The following PDZD2 variants were observed in gnomAD, a reference collection of about 807,000 sequenced individuals.
PDZD2 encodes the protein PDZ domain-containing protein 2.
A neutral mutation model predicts 220.7 loss-of-function variants in PDZD2; 90 were observed. That is an observed-to-expected ratio of 0.41 (90% CI 0.34 to 0.49). PDZD2 has a LOEUF of 0.49. Ranked by LOEUF, PDZD2 falls within the 20% of genes least tolerant of loss-of-function variation. The probability of loss-of-function intolerance (pLI) is 0.28; values close to 1 mark genes in which losing one functional copy is unlikely to be tolerated. For missense variants in PDZD2, 3,174 were observed against 3,608.5 expected (o/e 0.88, Z 3.08); for synonymous variants, 1,375 against 1,450.5 (o/e 0.95, Z 1.18).
intron 2 of PDZD2, among the ~76,000 whole-genome samples, chr5:31,900,502 T>G (rs1741989962): frequency 1.0e-5 from 1 of 95,478 alleles, no homozygotes; most frequent in South Asian, 3.1e-4. Context: ...TAGGTTTTCT[T>G]AAGAAGGGAA....
chr5:31,916,689 C>T (rs929807816), intron 2 of PDZD2, among the ~76,000 whole-genome samples: 4 of 151,944 alleles, frequency 2.6e-5, no homozygotes, highest in African/African-American at 9.7e-5. Context: ...GTTCCTGATT[C>T]TCTTTGGAGG....
intron 2 of PDZD2, among the ~76,000 whole-genome samples, chr5:31,850,174 G>A (rs1430948462): frequency 8.1e-6 from 1 of 122,944 alleles, no homozygotes; most frequent in African/African-American, 3.1e-5. Context: ...GTATATATAA[G>A]TATATATATA....
chr5:32,063,759 C>T (rs191203247), intron 14 of PDZD2, among the ~76,000 whole-genome samples: 1 of 152,294 alleles, frequency 6.6e-6, no homozygotes, highest in Non-Finnish European at 1.5e-5. Context: ...GGACCTTTAC[C>T]AGGACATTAC....
chr5:31,714,386 C>T (rs939266542), intron 1 of PDZD2, among the ~76,000 whole-genome samples: 1 of 152,118 alleles, frequency 6.6e-6, no homozygotes, highest in Non-Finnish European at 1.5e-5. Flanking sequence ...TTTGAATGAT[C>T]ATGTAGATGC....
At chr5:31,772,900 T>A (rs1329373682) in intron 1 of PDZD2, among the ~76,000 whole-genome samples, 3 of 152,200 alleles carry the variant, frequency 2.0e-5, no homozygotes, top group Non-Finnish European at 4.4e-5. Flanking sequence ...GAAGCTGGAC[T>A]ATATGGTATA....
intron 1 of PDZD2, among the ~76,000 whole-genome samples, chr5:31,737,254 G>C (rs1261789412): frequency 7.3e-6 from 1 of 137,056 alleles, no homozygotes; most frequent in African/African-American, 2.8e-5. Flanking sequence ...CTCACTGCAA[G>C]CTCCGCCTCT....
At chr5:31,964,514 A>G (rs1356852887) in intron 2 of PDZD2, among the ~76,000 whole-genome samples, 1 of 152,134 alleles carries the variant, frequency 6.6e-6, no homozygotes, top group Admixed American at 6.5e-5. Context: ...TCCCACTACC[A>G]GCCCACAGAT....
chr5:31,681,912 G>A (rs1242807869), intron 1 of PDZD2, among the ~76,000 whole-genome samples: 1 of 152,212 alleles, frequency 6.6e-6, no homozygotes, highest in Non-Finnish European at 1.5e-5. Context: ...GAATGCTGGA[G>A]AGGAGTTTAC....
At chr5:32,054,904 T>G (rs1206236692) in intron 10 of PDZD2, among the ~76,000 whole-genome samples, 1 of 152,182 alleles carries the variant, frequency 6.6e-6, no homozygotes, top group Admixed American at 6.5e-5. Context: ...TCAGAAATGT[T>G]AAGTGACTAG....
At chr5:32,033,083 T>C (rs1023983057) in intron 6 of PDZD2, among the ~76,000 whole-genome samples, 1 of 152,258 alleles carries the variant, frequency 6.6e-6, no homozygotes, top group Non-Finnish European at 1.5e-5. Context: ...GGCATTGTTT[T>C]GTAACACATG....
chr5:31,796,573 G>T (rs1209522670), intron 1 of PDZD2, among the ~76,000 whole-genome samples: 1 of 152,146 alleles, frequency 6.6e-6, no homozygotes, highest in African/African-American at 2.4e-5. Context: ...AACCCTGATT[G>T]TCCCAGCGTG....
In PDZD2 at chr5:31,880,517, G is replaced by A. The variant is rs79316784; in HGVS notation, c.476+80793G>A. 6.8e-3 allele frequency among the ~76,000 whole-genome samples: 1,037 copies of A among 152,268 alleles called. 9 individuals are homozygous for A. Among genetic ancestry groups the A allele is most frequent in the African/African-American group, 0.024 (991 of 41,536 alleles). On this transcript the variant is annotated intron_variant, in intron 2 of 24. Coordinates refer to ENST00000438447, the MANE Select transcript of PDZD2 (RefSeq NM_178140.4). Reference sequence around the variant, plus strand: ...GTTTTCTCTTTCTTGCTTTTCCAGAGTTGGCTTTAGCTTTTATCCTCATTT... The same window carrying A: ...GTTTTCTCTTTCTTGCTTTTCCAGAATTGGCTTTAGCTTTTATCCTCATTT...
chr5:31,709,828 C>T (rs985153199), intron 1 of PDZD2, among the ~76,000 whole-genome samples: 64 of 152,026 alleles, frequency 4.2e-4, no homozygotes, highest in African/African-American at 1.3e-3. Context: ...TGGTGGCACA[C>T]GCCTGTAATC....
At position 31,646,673 on chromosome 5, in the gene PDZD2, A is replaced by G. The variant is rs762138236; in HGVS notation, c.-361+7236A>G. 2.0e-5 allele frequency among the ~76,000 whole-genome samples: 3 copies of G among 152,252 alleles called. No homozygotes were observed. The highest frequency in any genetic ancestry group is 2.1e-4 in the South Asian group (1 of 4,812). On this transcript the variant is annotated intron_variant, in intron 1 of 24. Coordinates refer to ENST00000438447, the MANE Select transcript of PDZD2 (RefSeq NM_178140.4). The surrounding 1 kb of genome is among the most constrained non-coding windows in gnomAD (Gnocchi z 4.7). ...TTTGGGTAAAACTAGATTGTGCTAT[A>G]TGGGTCTCCTGATGAAGAGAATTCA...
chr5:32,107,685 T>TAACC (rs1362446083), intron 24 of PDZD2, among the ~76,000 whole-genome samples: 4 of 152,262 alleles, frequency 2.6e-5, no homozygotes, highest in Non-Finnish European at 5.9e-5. Flanking sequence ...GTCTGGATGT[T>TAACC]AACCATTTGT....
intron 1 of PDZD2, among the ~76,000 whole-genome samples, chr5:31,765,793 A>C (rs1751963799): frequency 6.6e-6 from 1 of 152,176 alleles, no homozygotes; most frequent in African/African-American, 2.4e-5. Flanking sequence ...CTCAAGAGTC[A>C]ATGGGTAAGA....
intron 2 of PDZD2, among the ~76,000 whole-genome samples, chr5:31,881,374 A>ATATT (rs1554088514): frequency 7.0e-5 from 7 of 100,268 alleles, no homozygotes; most frequent in African/African-American, 2.9e-4. Flanking sequence ...GTGTGTATAT[A>ATATT]TTTTTTTTTT....
rs188087343 is a variant in PDZD2, at chr5:31,989,497, G to A, written c.978+5841G>A. Among the ~76,000 whole-genome samples, 305 of 145,388 alleles carry A rather than the reference G, an allele frequency of 2.1e-3. 10 individuals carry two copies. In the Admixed American group the frequency reaches 0.021, roughly 10 times the overall value. On this transcript the variant is annotated intron_variant, in intron 3 of 24. Coordinates refer to ENST00000438447, the MANE Select transcript of PDZD2 (RefSeq NM_178140.4). ...GAGTGCAGTGGCGCGATCTTGGCTC[G>A]CTGCAGCCTCTGCCTCCTGGGTTCA... is the stretch of plus-strand genomic sequence containing the variant.
At chr5:32,042,477 G>T (rs557185844) in intron 7 of PDZD2, among the ~76,000 whole-genome samples, 1 of 152,260 alleles carries the variant, frequency 6.6e-6, no homozygotes, top group South Asian at 2.1e-4. Flanking sequence ...GGAACCTGAG[G>T]CAGGAGAATC....
Sources: gnomAD v4.1 joint callset for allele counts (sites outside exome capture counted in the v4.1 genomes callset) on GRCh38, gnomAD v4.1.1 for gene constraint, Gnocchi (gnomAD v3.1) non-coding constraint, MANE v1.5 for transcripts, NCBI Gene and HGNC (gene_info 2026-07-23, HGNC 2026-07-21) for gene names.